HOOK1: variants seen among roughly 807,000 people sequenced by gnomAD.
HOOK1 encodes hook microtubule tethering protein 1, also known as protein Hook homolog 1.
A neutral mutation model predicts 112.8 loss-of-function variants in HOOK1; 60 were observed. The observed-to-expected ratio is 0.53, with a 90% confidence interval of 0.43 to 0.66. HOOK1 has a LOEUF of 0.66. Ranked by LOEUF, HOOK1 falls within the 30% of genes least tolerant of loss-of-function variation. The probability of loss-of-function intolerance (pLI) is 0.00; values close to 1 mark genes in which losing one functional copy is unlikely to be tolerated. For synonymous variants in HOOK1, 294 were observed against 283.8 expected (o/e 1.04, Z -0.36); for missense variants, 770 against 856.0 (o/e 0.90, Z 1.25).
At position 59,875,346 on chromosome 1, in the gene HOOK1, G is replaced by A. The variant is rs547229499; in HGVS notation, c.*2381G>A. 6.6e-6 allele frequency: 1 copy of A among 152,604 alleles called. No homozygotes were observed. Among genetic ancestry groups the A allele is most frequent in the East Asian group, 1.9e-4 (1 of 5,192 alleles). 9.5% of individuals were successfully genotyped at this position (152,604 alleles called of 1,614,324 possible). A position where few individuals can be genotyped will look rare whatever the true frequency, so the allele number is the denominator to read the frequency against. On this transcript the variant is annotated 3_prime_UTR_variant, in exon 22 of 22. Transcript: ENST00000371208. ...TTATCACTTTTCTAGTTGATAAGTA[G>A]GATTCAAAACGTTTGATATGTAAGT... is the stretch of plus-strand genomic sequence containing the variant.
chr1:59,815,809 G>A (rs2098380953), intron 1 of HOOK1, among the ~76,000 whole-genome samples: 1 of 151,896 alleles, frequency 6.6e-6, no homozygotes, highest in African/African-American at 2.4e-5. Context: ...TTTTCTCGCT[G>A]GCCCTCTCCT....
chr1:59,823,588 C>G (rs2098387526), intron 2 of HOOK1, among the ~76,000 whole-genome samples: 1 of 152,172 alleles, frequency 6.6e-6, no homozygotes, highest in Non-Finnish European at 1.5e-5. Context: ...CCATTCAGAG[C>G]TGTCCTTTCT....
chr1:59,854,001 AATATATATATATATATATATAT>A lies in HOOK1; in HGVS notation c.1243-4410_1243-4389del, dbSNP rs71046347. 3.9e-4 allele frequency among the ~76,000 whole-genome samples: 10 copies of A among 25,696 alleles called. No homozygotes were observed. In the East Asian group the frequency reaches 5.7e-3, roughly 15 times the overall value. 16.9% of individuals were successfully genotyped at this position (25,696 alleles called of 152,430 possible). On this transcript the variant is annotated intron_variant, in intron 12 of 21. Transcript: ENST00000371208. ...AAGAGTTAAAAATACATTAATCTTAAATATATATATATATATATATATATATATATATATATATTTTTTTTTT... is the reference window on the plus strand; with the variant it reads ...AAGAGTTAAAAATACATTAATCTTAAATATATATATATATATTTTTTTTTT...
Position 59,821,869 on chromosome 1 carries a change from C to T in HOOK1, c.75C>T (p.Phe25=). 6.3e-7 allele frequency: 1 copy of T among 1,596,210 alleles called. No individual in the cohort carries two copies. The highest frequency in any genetic ancestry group is 8.5e-7 in the Non-Finnish European group (1 of 1,173,280). ...CDSLMIWLQT[F]NTASPCQDVK... is the part of the protein sequence containing the mutation. The stretch of plus-strand genomic sequence containing the variant: ...TTATGTCATTTTAGCTGCAGACATT[C>T]AATACTGCCTCACCTTGTCAAGATG... The change falls in exon 2 of 22, where the codon TTC becomes TTT. Residue 25 remains phenylalanine (F), a synonymous_variant. Coordinates refer to ENST00000371208, the MANE Select transcript of HOOK1 (RefSeq NM_015888.6).
At chr1:59,864,566 C>T (rs571622089) in intron 16 of HOOK1, 66 bp from the exon 17 acceptor site, 84 of 981,540 alleles carry the variant, frequency 8.6e-5, no homozygotes, top group African/African-American at 7.8e-4. Context: ...AAAGAGATTT[C>T]GATGTCTGGA....
chr1:59,828,683 C>T (rs953994019), intron 2 of HOOK1, 97 bp from the exon 3 acceptor site: 7 of 921,146 alleles, frequency 7.6e-6, no homozygotes, highest in Non-Finnish European at 1.2e-5. Context: ...TAAGGATAGG[C>T]TTTAAGACAT....
chr1:59,872,700 G>C, intron 21 of HOOK1, 95 bp from the exon 22 acceptor site: 1 of 714,294 alleles, frequency 1.4e-6, no homozygotes, highest in Non-Finnish European at 2.0e-6. Flanking sequence ...TAGCTTTATA[G>C]GTTGGTTTTA....
intron 8 of HOOK1, 145 bp from the exon 9 acceptor site, chr1:59,843,287 G>A (rs989593482): frequency 1.1e-5 from 5 of 444,406 alleles, no homozygotes; most frequent in Non-Finnish European, 2.0e-5. Context: ...CATTCAGAAG[G>A]ATCCTTAGAA....
rs144344059 is a variant in HOOK1 at position 59,862,838 on chromosome 1, A to G, written c.1587A>G (p.Lys529=). ...AGCAGCAGATTGAGGACCTCCAGAA[A>G]TCTTTACAGGAACAAGGTTCCAAGT... ...ELQQQIEDLQ[K]SLQEQGSKSE... The change falls in exon 16 of 22, where the codon AAA becomes AAG. Residue 529 remains lysine (K), a synonymous_variant. Transcript: ENST00000371208. 139 of 1,612,008 alleles carry G rather than the reference A, an allele frequency of 8.6e-5. No homozygotes were observed. Among genetic ancestry groups the G allele is most frequent in the Non-Finnish European group, 1.1e-4 (135 of 1,178,320 alleles).
intron 7 of HOOK1, among the ~76,000 whole-genome samples, chr1:59,838,402 T>G (rs1412973323): frequency 2.0e-5 from 3 of 152,222 alleles, no homozygotes; most frequent in African/African-American, 7.2e-5. Context: ...TGGTGTGAGA[T>G]AGTATCTCAT....
At chr1:59,839,683 C>A (rs2098399918) in intron 7 of HOOK1, among the ~76,000 whole-genome samples, 1 of 152,146 alleles carries the variant, frequency 6.6e-6, no homozygotes, top group Admixed American at 6.6e-5. Context: ...GGCTTTATTG[C>A]TTTCTCTTGC....
intron 2 of HOOK1, among the ~76,000 whole-genome samples, chr1:59,828,256 A>G (rs1368030450): frequency 2.0e-5 from 3 of 152,180 alleles, no homozygotes; most frequent in Non-Finnish European, 4.4e-5. Flanking sequence ...ATTAAAACTA[A>G]ACTTGTCTTT....
rs764889448 is a variant in HOOK1, at chr1:59,833,587, A to G, written c.406+50A>G. The G allele has an allele frequency of 4.2e-6, 6 of 1,425,198 alleles. No homozygotes were observed. The South Asian group carries it at 9.0e-5, about 21-fold the overall frequency. 88.3% of individuals were successfully genotyped at this position (1,425,198 alleles called of 1,614,324 possible). On this transcript the variant is annotated intron_variant, in intron 5 of 21. Coordinates refer to ENST00000371208, the MANE Select transcript of HOOK1 (RefSeq NM_015888.6). ...GATTTCTACTTTCTAGAAACTTTCT[A>G]CATTGCTATATAAGCTAGCATTAAA...
chr1:59,823,631 C>G (rs756128268), intron 2 of HOOK1, among the ~76,000 whole-genome samples: 2 of 152,124 alleles, frequency 1.3e-5, no homozygotes, highest in Admixed American at 1.3e-4. Flanking sequence ...AGCTTTATGC[C>G]AGAATACAAT....
At chr1:59,855,344 A>G (rs1202928767) in intron 12 of HOOK1, among the ~76,000 whole-genome samples, 1 of 152,088 alleles carries the variant, frequency 6.6e-6, no homozygotes, top group East Asian at 1.9e-4. Flanking sequence ...TGTGTTCATG[A>G]GTTCTCATCA....
rs1435948328 is a variant in HOOK1 at position 59,872,877 on chromosome 1, C to T, written c.2099C>T (p.Pro700Leu). ...TGCAGTGACACTGGTGCGTGCACTC[C>T]TGCGCGGTCTTTCTTAGCGCAGCAA... is the stretch of plus-strand genomic sequence containing the variant. Reference protein sequence around the residue: ...GACSDTGACTPARSFLAQQRH... With the variant: ...GACSDTGACTLARSFLAQQRH... Residue 700 changes from proline (P) to leucine (L), a missense_variant, in exon 22 of 22, where the codon CCT (proline) becomes CTT (leucine). Physicochemically the swap from Pro to Leu is moderately conservative, Grantham distance 98. Transcript: ENST00000371208. 6.5e-7 allele frequency: 1 copy of T among 1,529,692 alleles called. No homozygotes were observed. Among genetic ancestry groups the T allele is most frequent in the South Asian group, 1.2e-5 (1 of 80,980 alleles). 94.8% of individuals were successfully genotyped at this position (1,529,692 alleles called of 1,614,324 possible).
intron 20 of HOOK1, chr1:59,870,838 G>C: frequency 4.4e-6 from 2 of 457,640 alleles, no homozygotes; most frequent in East Asian, 7.5e-5. Context: ...TGAAATAAAG[G>C]TTTATTAGTC....
intron 10 of HOOK1, 100 bp downstream of exon 10, chr1:59,847,285 T>A: frequency 1.0e-6 from 1 of 992,798 alleles, no homozygotes; most frequent in South Asian, 1.5e-5. Context: ...ATTATTCCTG[T>A]ATATCAAGTA....
At chr1:59,861,885 T>G (rs535525740) in intron 15 of HOOK1, among the ~76,000 whole-genome samples, 2 of 152,316 alleles carry the variant, frequency 1.3e-5, no homozygotes, top group East Asian at 3.9e-4. Flanking sequence ...AAACGGTGGT[T>G]AAAAGAAGAA....
Sources: gnomAD v4.1 joint callset for allele counts (sites outside exome capture counted in the v4.1 genomes callset) on GRCh38, gnomAD v4.1.1 for gene constraint, MANE v1.5 for transcripts, NCBI Gene and HGNC (gene_info 2026-07-23, HGNC 2026-07-21) for gene names.